MECOM: variants seen among roughly 807,000 people sequenced by gnomAD.
The protein encoded by MECOM is histone-lysine N-methyltransferase MECOM.
Under a neutral mutation model 116.3 loss-of-function variants are expected in MECOM, and 13 were observed. The observed-to-expected ratio is 0.11, with a 90% CI of 0.07 to 0.18. The LOEUF (loss-of-function observed/expected upper bound fraction) is 0.18, where lower values mean the gene tolerates loss of function less well. Among genes scored for constraint, MECOM ranks in the 10% least tolerant of loss-of-function variants. MECOM has a pLI of 1.00. For missense variants in MECOM, 1,299 were observed against 1,509.0 expected (o/e 0.86, Z 2.31); for synonymous variants, 528 against 535.2 (o/e 0.99, Z 0.19).
intron 2 of MECOM, among the ~76,000 whole-genome samples, chr3:169,231,180 A>G (rs1009111362): frequency 5.9e-5 from 9 of 152,204 alleles, no homozygotes; most frequent in African/African-American, 2.2e-4. Flanking sequence ...GTGTCTATTG[A>G]ATAAAATTGG....
intron 1 of MECOM, among the ~76,000 whole-genome samples, chr3:169,459,768 A>AT: frequency 6.6e-6 from 1 of 151,928 alleles, no homozygotes; most frequent in South Asian, 2.1e-4. Context: ...TTTCAGGTGT[A>AT]TAAGGGTCAC....
chr3:169,377,411 G>A (rs1169167126), intron 2 of MECOM, among the ~76,000 whole-genome samples: 4 of 152,144 alleles, frequency 2.6e-5, no homozygotes, highest in African/African-American at 9.7e-5. Context: ...GAATATTTTT[G>A]CAATCTATCC....
At chr3:169,382,861 A>AAAT (rs1553833925) in intron 1 of MECOM, among the ~76,000 whole-genome samples, 1 of 86,538 alleles carries the variant, frequency 1.2e-5, no homozygotes, top group African/African-American at 4.2e-5. Flanking sequence ...AAAAAAAAAA[A>AAAT]AAATAAAAAA....
Position 169,149,097 on chromosome 3 carries a change from T to A in MECOM, c.376-5265A>T, listed in dbSNP as rs928323265. ...GCTTTCTTTTTTTTTTTTTTTTTTT[T>A]AATTTAGCCATAAATTGGACCGGCT... On this transcript the variant is annotated intron_variant, in intron 2 of 16. Transcript: ENST00000651503. Among the ~76,000 whole-genome samples, 400 of 146,262 alleles carry A rather than the reference T, an allele frequency of 2.7e-3. 3 individuals are homozygous for A. Among genetic ancestry groups the A allele is most frequent in the African/African-American group, 0.01 (390 of 38,632 alleles).
At chr3:169,218,776 T>C (rs2149491510) in intron 2 of MECOM, among the ~76,000 whole-genome samples, 1 of 152,314 alleles carries the variant, frequency 6.6e-6, no homozygotes, top group South Asian at 2.1e-4. Context: ...CCCAAAATCA[T>C]TCAGGGAATT....
chr3:169,629,198 T>C (rs1771773615), intron 1 of MECOM, among the ~76,000 whole-genome samples: 2 of 151,814 alleles, frequency 1.3e-5, no homozygotes, highest in Admixed American at 6.6e-5. Context: ...TTATGGTATA[T>C]TTATGATGTT....
chr3:169,090,666 C>A (rs762271345), intron 14 of MECOM, among the ~76,000 whole-genome samples: 6 of 152,024 alleles, frequency 3.9e-5, no homozygotes, highest in Non-Finnish European at 5.9e-5. Context: ...CTACAATACA[C>A]ATGCCTAAAG....
At chr3:169,100,096 TC>T (rs1723035633) in intron 12 of MECOM, among the ~76,000 whole-genome samples, 48 of 103,984 alleles carry the variant, frequency 4.6e-4, no homozygotes, top group African/African-American at 1.3e-3. Context: ...TTTCTTTCTT[TC>T]TTTCTTTTTT....
At chr3:169,469,340 G>T (rs1326659485) in intron 1 of MECOM, among the ~76,000 whole-genome samples, 1 of 152,174 alleles carries the variant, frequency 6.6e-6, no homozygotes. Context: ...AGCCAGCAGG[G>T]AGTCTATATC....
intron 2 of MECOM, among the ~76,000 whole-genome samples, chr3:169,248,651 A>G (rs1183683457): frequency 6.6e-6 from 1 of 152,170 alleles, no homozygotes; most frequent in Non-Finnish European, 1.5e-5. Context: ...CCATATTTGG[A>G]GATAGGACCT....
rs376479444 is a variant in MECOM, at chr3:169,380,598, A to G, written c.375+589T>C. On this transcript the variant is annotated intron_variant, in intron 2 of 16. Transcript: ENST00000651503. ...ATTTTGTGCGTCTGTTTTGATGCACAAATTACTCATTAAATCATTTGAATA... is the reference window on the plus strand; with the variant it reads ...ATTTTGTGCGTCTGTTTTGATGCACGAATTACTCATTAAATCATTTGAATA... 2.6e-5 allele frequency among the ~76,000 whole-genome samples: 4 copies of G among 152,310 alleles called. No individual in the cohort carries two copies. In the East Asian group the frequency reaches 7.7e-4, roughly 29 times the overall value.
chr3:169,392,911 T>C (rs144662338), intron 1 of MECOM, among the ~76,000 whole-genome samples: 3 of 152,202 alleles, frequency 2.0e-5, no homozygotes, highest in African/African-American at 7.2e-5. Flanking sequence ...TTATCTACCC[T>C]CACTGATGCT....
intron 2 of MECOM, among the ~76,000 whole-genome samples, chr3:169,333,641 A>C (rs945344982): frequency 6.6e-6 from 1 of 152,142 alleles, no homozygotes; most frequent in Non-Finnish European, 1.5e-5. Context: ...TAATTTTTTA[A>C]CTTGTTTTAT....
chr3:169,649,534 A>T (rs1774619197), intron 1 of MECOM, among the ~76,000 whole-genome samples: 1 of 151,874 alleles, frequency 6.6e-6, no homozygotes, highest in Non-Finnish European at 1.5e-5. Flanking sequence ...TTAATAAATC[A>T]TTTTCAGGGG....
chr3:169,453,471 C>T (rs1218313306), intron 1 of MECOM, among the ~76,000 whole-genome samples: 2 of 152,180 alleles, frequency 1.3e-5, no homozygotes, highest in Non-Finnish European at 2.9e-5. Context: ...CCACAGCCTT[C>T]GCAGATAAAA....
intron 2 of MECOM, among the ~76,000 whole-genome samples, chr3:169,355,675 A>T (rs1243461267): frequency 1.3e-5 from 2 of 151,894 alleles, no homozygotes; most frequent in Non-Finnish European, 2.9e-5. Context: ...TTCTTTTTAC[A>T]TTTTTGCTCA....
chr3:169,289,966 G>A (rs1714177430), intron 2 of MECOM, among the ~76,000 whole-genome samples: 1 of 152,120 alleles, frequency 6.6e-6, no homozygotes. Context: ...TCTTGAGAAG[G>A]TACCAGGAGG....
intron 2 of MECOM, among the ~76,000 whole-genome samples, chr3:169,183,761 TACACACACACAC>T (rs71166249): frequency 0.035 from 4,173 of 118,656 alleles, 93 homozygotes; most frequent in Non-Finnish European, 0.038. Flanking sequence ...GATACATACA[TACACACACACAC>T]ACACACACAC....
chr3:169,451,439 G>C (rs904474952), intron 1 of MECOM, among the ~76,000 whole-genome samples: 4 of 152,172 alleles, frequency 2.6e-5, no homozygotes, highest in African/African-American at 9.6e-5. Flanking sequence ...TAAAGAGAAG[G>C]GAAAGTAGAT....
Sources: gnomAD v4.1 joint callset for allele counts (sites outside exome capture counted in the v4.1 genomes callset) on GRCh38, gnomAD v4.1.1 for gene constraint, MANE v1.5 for transcripts, NCBI Gene and HGNC (gene_info 2026-07-23, HGNC 2026-07-21) for gene names.